PPP1R13B: variants seen among roughly 807,000 people sequenced by gnomAD.
PPP1R13B encodes the protein apoptosis-stimulating of p53 protein 1.
PPP1R13B carries 44 observed loss-of-function variants against 119.8 expected under a neutral mutation model. The ratio of observed to expected loss-of-function variants is 0.37; its 90% CI spans 0.29 to 0.47. The LOEUF is 0.47. Among genes scored for constraint, PPP1R13B ranks in the 20% least tolerant of loss-of-function variants. PPP1R13B has a pLI of 0.99. For missense variants in PPP1R13B, 1,227 were observed against 1,413.5 expected (o/e 0.87, Z 2.12); for synonymous variants, 542 against 561.5 (o/e 0.97, Z 0.49).
intron 4 of PPP1R13B, among the ~76,000 whole-genome samples, chr14:103,769,030 T>A (rs559524758): frequency 6.6e-6 from 1 of 152,316 alleles, no homozygotes; most frequent in East Asian, 1.9e-4. Flanking sequence ...TTTTTAGCAG[T>A]TTACAGAAAA....
At chr14:103,815,927 C>T (rs542998088) in intron 1 of PPP1R13B, among the ~76,000 whole-genome samples, 10 of 150,786 alleles carry the variant, frequency 6.6e-5, no homozygotes, top group Middle Eastern at 3.5e-3. Context: ...ATTAAAAATA[C>T]GAAAACATTA....
intron 1 of PPP1R13B, among the ~76,000 whole-genome samples, chr14:103,835,862 G>C (rs563756121): frequency 6.6e-6 from 1 of 152,044 alleles, no homozygotes; most frequent in Admixed American, 6.6e-5. Context: ...GCCTGCCTCG[G>C]CCTCCCAAAG....
rs2085674815 is a variant in PPP1R13B, at chr14:103,793,336, T to C, written c.157+4035A>G. Reference sequence around the variant, plus strand: ...AAGGGAGAGACCAGATGGAGGTCACTGAATCATGGAGGTGGTTTCTCATGA... The same window carrying C: ...AAGGGAGAGACCAGATGGAGGTCACCGAATCATGGAGGTGGTTTCTCATGA... On this transcript the variant is annotated intron_variant, in intron 2 of 16. Coordinates refer to ENST00000202556, the MANE Select transcript of PPP1R13B (RefSeq NM_015316.3). 2.6e-5 allele frequency among the ~76,000 whole-genome samples: 4 copies of C among 152,194 alleles called. No individual in the cohort carries two copies. In the South Asian group the frequency reaches 8.3e-4, roughly 32 times the overall value.
chr14:103,803,941 C>T (rs2085960279), intron 1 of PPP1R13B: 2 of 633,154 alleles, frequency 3.2e-6, no homozygotes, highest in South Asian at 1.4e-4. Context: ...CTCCTCTTCT[C>T]CCCTGCTGTA....
At chr14:103,816,211 G>A (rs552958129) in intron 1 of PPP1R13B, among the ~76,000 whole-genome samples, 9 of 151,002 alleles carry the variant, frequency 6.0e-5, no homozygotes, top group African/African-American at 2.2e-4. Flanking sequence ...GCCCAAGCTG[G>A]AGTGCAGATG....
chr14:103,782,223 C>A (rs1470122635), intron 3 of PPP1R13B, among the ~76,000 whole-genome samples: 1 of 152,168 alleles, frequency 6.6e-6, no homozygotes, highest in Non-Finnish European at 1.5e-5. Context: ...ACTCTTTGCT[C>A]ATCTTTCCAC....
chr14:103,799,879 C>CT (rs2085858172), intron 1 of PPP1R13B, among the ~76,000 whole-genome samples: 4 of 151,624 alleles, frequency 2.6e-5, no homozygotes, highest in Admixed American at 2.0e-4. Flanking sequence ...AACCCCAACT[C>CT]TGATACAAAA....
chr14:103,834,718 G>A (rs2086736482), intron 1 of PPP1R13B, among the ~76,000 whole-genome samples: 1 of 149,918 alleles, frequency 6.7e-6, no homozygotes, highest in South Asian at 2.1e-4. Flanking sequence ...AGCCTCCTGA[G>A]TAACTGGGAT....
At chr14:103,803,667 T>TAAA (rs2085954247) in intron 1 of PPP1R13B, among the ~76,000 whole-genome samples, 1 of 151,870 alleles carries the variant, frequency 6.6e-6, no homozygotes, top group East Asian at 1.9e-4. Flanking sequence ...AAATAAATAA[T>TAAA]TAATTAATAA....
intron 11 of PPP1R13B, among the ~76,000 whole-genome samples, 182 bp downstream of exon 11, chr14:103,741,608 C>A (rs1169455550): frequency 6.6e-6 from 1 of 152,214 alleles, no homozygotes; most frequent in Non-Finnish European, 1.5e-5. Flanking sequence ...AAAACAGCCT[C>A]CTCCATGCAT....
intron 5 of PPP1R13B, among the ~76,000 whole-genome samples, chr14:103,754,561 CAAAAAAAA>C (rs771794623): frequency 3.3e-3 from 137 of 41,030 alleles, no homozygotes; most frequent in African/African-American, 0.012. Context: ...GACTCAGTCT[CAAAAAAAA>C]AAAAAAAAAA....
intron 1 of PPP1R13B, among the ~76,000 whole-genome samples, chr14:103,817,167 G>A (rs1253295861): frequency 6.6e-6 from 1 of 152,154 alleles, no homozygotes; most frequent in Non-Finnish European, 1.5e-5. Context: ...TGTCCCTCAG[G>A]CCTTGTGGAA....
chr14:103,743,713 C>A (rs1002479339), intron 9 of PPP1R13B, among the ~76,000 whole-genome samples: 3 of 152,234 alleles, frequency 2.0e-5, no homozygotes, highest in Non-Finnish European at 2.9e-5. Flanking sequence ...CCAGCACAGG[C>A]AGGAGGGGAT....
intron 1 of PPP1R13B, among the ~76,000 whole-genome samples, chr14:103,824,039 C>CTTTTTT (rs35194586): frequency 8.0e-4 from 60 of 75,128 alleles, no homozygotes; most frequent in African/African-American, 9.9e-4. Context: ...CTACCTCATC[C>CTTTTTT]TTTTTTTTTT....
intron 4 of PPP1R13B, among the ~76,000 whole-genome samples, chr14:103,777,271 G>C (rs1487099200): frequency 6.6e-6 from 1 of 152,128 alleles, no homozygotes; most frequent in Non-Finnish European, 1.5e-5. Context: ...AGGATTACAG[G>C]TGTGAGCCAC....
chr14:103,790,055 G>A (rs926437401), intron 2 of PPP1R13B, among the ~76,000 whole-genome samples: 1 of 151,848 alleles, frequency 6.6e-6, no homozygotes, highest in Non-Finnish European at 1.5e-5. Context: ...AGACCAGCCT[G>A]GCCAACATGG....
intron 1 of PPP1R13B, among the ~76,000 whole-genome samples, chr14:103,826,984 C>G (rs1166152097): frequency 5.3e-5 from 8 of 150,648 alleles, no homozygotes; most frequent in Non-Finnish European, 1.2e-4. Context: ...TGCACTCCAG[C>G]CTGGGTGACA....
rs566045057 is a variant in PPP1R13B at position 103,784,989 on chromosome 14, TAAATG to T, written c.158-80_158-76del. 625 of 1,356,916 alleles carry T rather than the reference TAAATG, an allele frequency of 4.6e-4. 8 individuals carry two copies. The South Asian group carries it at 9.1e-3, about 20-fold the overall frequency. 84.1% of individuals were successfully genotyped at this position (1,356,916 alleles called of 1,614,324 possible). On this transcript the variant is annotated intron_variant, in intron 2 of 16. Coordinates refer to ENST00000202556, the MANE Select transcript of PPP1R13B (RefSeq NM_015316.3). Reference sequence around the variant, plus strand: ...CCAAAAGTAAATTTTGTAAAAAACTTAAATGAATGTATATATGCACACATGTATGT... The same window carrying T: ...CCAAAAGTAAATTTTGTAAAAAACTTAATGTATATATGCACACATGTATGT...
At chr14:103,735,221 G>T in intron 16 of PPP1R13B, 26 bp from the exon 17 acceptor site, 1 of 1,613,404 alleles carries the variant, frequency 6.2e-7, no homozygotes, top group South Asian at 1.1e-5. Flanking sequence ...GCCGCGTCAG[G>T]ACAGGAAGCC....
Sources: allele counts gnomAD v4.1 joint callset (sites outside exome capture counted in the v4.1 genomes callset), GRCh38; gene constraint gnomAD v4.1.1; transcripts MANE v1.5; gene names NCBI Gene and HGNC (gene_info 2026-07-23, HGNC 2026-07-21).